Variants in CCAR1 observed in about 807,000 individuals in gnomAD.
CCAR1 encodes the protein cell division cycle and apoptosis regulator protein 1.
In CCAR1, 78 loss-of-function variants were observed where a neutral mutation model predicts 163.8. That is an observed-to-expected ratio of 0.48 (90% CI 0.40 to 0.57). The LOEUF (loss-of-function observed/expected upper bound fraction) is 0.57, where lower values mean the gene tolerates loss of function less well. CCAR1 is among the 20% of genes least tolerant of loss of function. The pLI is 0.00. For synonymous variants in CCAR1, 443 were observed against 460.7 expected (o/e 0.96, Z 0.49); for missense variants, 1,019 against 1,365.2 (o/e 0.75, Z 4.00).
At chr10:68,751,653 A>G (rs539750254) in intron 10 of CCAR1, among the ~76,000 whole-genome samples, 1 of 151,792 alleles carries the variant, frequency 6.6e-6, no homozygotes, top group African/African-American at 2.4e-5. Context: ...ACTTGAGGTC[A>G]GGAGTTCAAG....
intron 16 of CCAR1, among the ~76,000 whole-genome samples, chr10:68,762,338 AC>A (rs1233105170): frequency 1.1e-5 from 1 of 92,416 alleles, no homozygotes; most frequent in Non-Finnish European, 2.3e-5. Context: ...AAAAAAAAAA[AC>A]AAAACAAAAA....
chr10:68,790,783 C>T (rs970768838), intron 24 of CCAR1, among the ~76,000 whole-genome samples: 9 of 141,874 alleles, frequency 6.3e-5, no homozygotes, highest in African/African-American at 1.3e-4. Flanking sequence ...CCAAGGTGGG[C>T]GGATCACGAA....
chr10:68,774,357 G>T (rs960905365), intron 19 of CCAR1, among the ~76,000 whole-genome samples: 3 of 152,080 alleles, frequency 2.0e-5, no homozygotes, highest in Admixed American at 6.6e-5. Flanking sequence ...CTAATTTGGG[G>T]CTGGGTGTGC....
intron 2 of CCAR1, among the ~76,000 whole-genome samples, chr10:68,728,313 A>G (rs1036973018): frequency 2.7e-5 from 4 of 149,472 alleles, no homozygotes; most frequent in Non-Finnish European, 4.5e-5. Context: ...TTTTTTTTTT[A>G]ATCTTTTTAG....
intron 11 of CCAR1, 94 bp from the exon 12 acceptor site, chr10:68,754,620 C>T (rs1017058745): frequency 1.5e-4 from 97 of 644,360 alleles, no homozygotes; most frequent in Non-Finnish European, 4.3e-5. Flanking sequence ...ATTTAAATTT[C>T]AGACATCTTA....
At chr10:68,749,112 G>A (rs1171060019) in intron 8 of CCAR1, 24 bp from the exon 9 acceptor site, 20 of 1,613,158 alleles carry the variant, frequency 1.2e-5, no homozygotes, top group Middle Eastern at 1.6e-4. Context: ...CACGCTAAAC[G>A]TTTTTTTCTT....
chr10:68,775,353 C>T (rs189345975), intron 19 of CCAR1, among the ~76,000 whole-genome samples: 1 of 152,116 alleles, frequency 6.6e-6, no homozygotes, highest in Non-Finnish European at 1.5e-5. Context: ...TCATTACTTG[C>T]TTTACTTAAT....
chr10:68,769,721 C>T lies in CCAR1; in HGVS notation c.2299-1485C>T, dbSNP rs563534385. 6.6e-5 allele frequency among the ~76,000 whole-genome samples: 10 copies of T among 151,672 alleles called. No individual in the cohort carries two copies. In the East Asian group the frequency reaches 1.9e-3, roughly 30 times the overall value. ...CTTTGAGAGGCCGAGGCGGGGGGATCATGAGGCCAGGAGATCGAGACCATC... is the reference window on the plus strand; with the variant it reads ...CTTTGAGAGGCCGAGGCGGGGGGATTATGAGGCCAGGAGATCGAGACCATC... On this transcript the variant is annotated intron_variant, in intron 17 of 24. Transcript: ENST00000265872.
intron 16 of CCAR1, 122 bp downstream of exon 16, chr10:68,761,314 T>A: frequency 2.5e-6 from 1 of 405,582 alleles, no homozygotes; most frequent in Non-Finnish European, 4.0e-6. Flanking sequence ...AATTAATTAA[T>A]TTATTTATTT....
At chr10:68,752,367 G>A (rs1391174842) in intron 10 of CCAR1, among the ~76,000 whole-genome samples, 1 of 151,924 alleles carries the variant, frequency 6.6e-6, no homozygotes, top group Non-Finnish European at 1.5e-5. Flanking sequence ...AAGAAACTTC[G>A]TGCCCATGAA....
At chr10:68,736,275 G>A (rs2056108908) in intron 2 of CCAR1, among the ~76,000 whole-genome samples, 1 of 152,116 alleles carries the variant, frequency 6.6e-6, no homozygotes, top group Non-Finnish European at 1.5e-5. Context: ...AAGTCTTGAT[G>A]TATATATATG....
At chr10:68,745,464 G>GC (rs1384393741) in intron 6 of CCAR1, among the ~76,000 whole-genome samples, 1 of 145,548 alleles carries the variant, frequency 6.9e-6, no homozygotes, top group Non-Finnish European at 1.5e-5. Context: ...ACCACGTCCA[G>GC]CTTTTTTTTT....
rs2056270854 is a variant in CCAR1 at position 68,747,414 on chromosome 10, C to G, written c.674C>G (p.Ala225Gly). The change falls in exon 8 of 25, where the codon GCT becomes GGT. Residue 225 changes from alanine to glycine, a missense_variant. Ala to Gly is a moderately conservative substitution (Grantham distance 60). Transcript: ENST00000265872. ...QTQPLLKTPPAVLQPIAPQTT... is the reference protein window; with the variant it reads ...QTQPLLKTPPGVLQPIAPQTT... ...CAGCCATTACTGAAGACTCCTCCTG[C>G]TGTACTTCAGCCAATTGCACCACAG... The G allele has an allele frequency of 6.2e-7, 1 of 1,613,974 alleles. No individual in the cohort carries two copies. The highest frequency in any genetic ancestry group is 1.3e-5 in the African/African-American group (1 of 74,896).
intron 2 of CCAR1, among the ~76,000 whole-genome samples, chr10:68,733,881 C>T (rs1192717803): frequency 1.3e-5 from 2 of 152,108 alleles, no homozygotes; most frequent in East Asian, 1.9e-4. Context: ...CCATGCTGGT[C>T]TCAAACTCCT....
intron 19 of CCAR1, among the ~76,000 whole-genome samples, chr10:68,780,282 A>G (rs1177579254): frequency 6.6e-6 from 1 of 152,048 alleles, no homozygotes; most frequent in Non-Finnish European, 1.5e-5. Context: ...TGCTGCATTG[A>G]ACTCCTGGCT....
chr10:68,758,121 C>A (rs1236469980), intron 15 of CCAR1, among the ~76,000 whole-genome samples: 2 of 152,002 alleles, frequency 1.3e-5, no homozygotes, highest in African/African-American at 4.8e-5. Flanking sequence ...GTGGAATGAT[C>A]TTGGCTCACT....
chr10:68,770,966 T>C (rs2056594388), intron 17 of CCAR1, among the ~76,000 whole-genome samples: 1 of 151,506 alleles, frequency 6.6e-6, no homozygotes, highest in African/African-American at 2.4e-5. Context: ...TAGTCCCAGC[T>C]ACTTAGCAGG....
intron 10 of CCAR1, 50 bp downstream of exon 10, chr10:68,749,735 T>G (rs1390105135): frequency 6.8e-7 from 1 of 1,466,304 alleles, no homozygotes; most frequent in African/African-American, 1.4e-5. Flanking sequence ...TTTCATATAA[T>G]TTGATAGAAT....
chr10:68,767,898 C>G (rs1198414275), intron 17 of CCAR1, among the ~76,000 whole-genome samples: 3 of 152,130 alleles, frequency 2.0e-5, no homozygotes, highest in Non-Finnish European at 4.4e-5. Context: ...CAATTGAAAA[C>G]TTTTATCTTT....
Sources: gnomAD v4.1 joint callset for allele counts (sites outside exome capture counted in the v4.1 genomes callset) on GRCh38, gnomAD v4.1.1 for gene constraint, MANE v1.5 for transcripts, NCBI Gene and HGNC (gene_info 2026-07-23, HGNC 2026-07-21) for gene names.